Variants in ZFHX3 observed in about 807,000 individuals in gnomAD.
ZFHX3 encodes the protein zinc finger homeobox 3.
Under a neutral mutation model 279.1 loss-of-function variants are expected in ZFHX3, and 42 were observed. That is an observed-to-expected ratio of 0.15 (90% CI 0.12 to 0.19). The LOEUF (loss-of-function observed/expected upper bound fraction) is 0.19. Ranked by LOEUF, ZFHX3 falls within the 10% of genes least tolerant of loss-of-function variation. The probability of loss-of-function intolerance (pLI) is 1.00; values close to 1 mark genes in which losing one functional copy is unlikely to be tolerated. For synonymous variants in ZFHX3, 2,293 were observed against 1,957.8 expected (o/e 1.17, Z -4.52); for missense variants, 4,981 against 4,754.0 (o/e 1.05, Z -1.40).
chr16:72,967,891 G>A (rs1303798452), intron 1 of ZFHX3, among the ~76,000 whole-genome samples: 5 of 147,670 alleles, frequency 3.4e-5, no homozygotes, highest in Non-Finnish European at 7.4e-5. Context: ...TCGTGCCACT[G>A]CACTCTATCC....
rs368568803 is a variant in ZFHX3 at position 72,793,468 on chromosome 16, C to T, written c.9214G>A (p.Val3072Ile). Residue 3072 changes from valine (V) to isoleucine (I), a missense_variant, in exon 9 of 10, where the codon GTA becomes ATA. By Grantham distance (29) the Val-to-Ile change is conservative. Transcript: ENST00000268489. The surrounding 1 kb of genome is among the most constrained non-coding windows in gnomAD (Gnocchi z 4.3). ...KEKEYFDPATVRQLMAQQELD... is the reference protein window; with the variant it reads ...KEKEYFDPATIRQLMAQQELD... ...TCTTGTTGAGCCATCAACTGACGTA[C>T]GGTGGCTGGGTCAAAGTATTCTTTC... The T allele has an allele frequency of 6.8e-6, 11 of 1,614,060 alleles. No homozygotes were observed. Among genetic ancestry groups the T allele is most frequent in the East Asian group, 2.2e-5 (1 of 44,900 alleles).
chr16:73,377,187 G>T (rs2143356061), intron 3 of ZFHX3, among the ~76,000 whole-genome samples: 1 of 152,178 alleles, frequency 6.6e-6, no homozygotes, highest in East Asian at 1.9e-4. Context: ...GGCCAGGCTG[G>T]TCTTGAACTC....
At chr16:73,389,679 C>T (rs1238029017) in intron 3 of ZFHX3, among the ~76,000 whole-genome samples, 4 of 152,178 alleles carry the variant, frequency 2.6e-5, no homozygotes, top group South Asian at 2.1e-4. Flanking sequence ...CTTTTTTATC[C>T]GCAGTGAAAA....
intron 3 of ZFHX3, among the ~76,000 whole-genome samples, chr16:72,944,500 T>C (rs537709494): frequency 1.3e-5 from 2 of 152,328 alleles, no homozygotes; most frequent in East Asian, 1.9e-4. Context: ...TTAAAAATCA[T>C]TGGAAAATAC....
chr16:72,832,377 G>C (rs984950573), intron 4 of ZFHX3, among the ~76,000 whole-genome samples: 3 of 152,028 alleles, frequency 2.0e-5, no homozygotes, highest in Non-Finnish European at 2.9e-5. Context: ...AGCCCACTTG[G>C]GCTTTTGCTT....
chr16:73,851,435 A>G (rs943004150), intron 1 of ZFHX3, among the ~76,000 whole-genome samples: 4 of 152,208 alleles, frequency 2.6e-5, no homozygotes, highest in Admixed American at 6.5e-5. Flanking sequence ...TTGAAGTCAA[A>G]TTTTACTCTG....
intron 1 of ZFHX3, among the ~76,000 whole-genome samples, chr16:73,688,816 T>A (rs9941061): frequency 0.092 from 13,946 of 152,174 alleles, 734 homozygotes; most frequent in Non-Finnish European, 0.12. Context: ...CATGCTATTC[T>A]CATGACAGTG....
chr16:73,245,616 C>T (rs2144948764), intron 5 of ZFHX3, among the ~76,000 whole-genome samples: 1 of 152,288 alleles, frequency 6.6e-6, no homozygotes, highest in South Asian at 2.1e-4. Context: ...GATGTTGTTC[C>T]AAAGACGTAG....
rs899989493 is a variant in ZFHX3 at position 73,013,091 on chromosome 16, G to A, written c.-50+34661C>T. ...AGGTACAGACCTACCAATCACGGGA[G>A]TGAAGGTACCCAGGCCAAGGGGCTG... On this transcript the variant is annotated intron_variant, in intron 1 of 9. Coordinates refer to ENST00000268489, the MANE Select transcript of ZFHX3 (RefSeq NM_006885.4). Among the ~76,000 whole-genome samples, 10 of 152,176 alleles carry A rather than the reference G, an allele frequency of 6.6e-5. No homozygotes were observed. The East Asian group carries it at 1.9e-3, about 29-fold the overall frequency.
At chr16:73,540,824 A>G (rs982516054) in intron 2 of ZFHX3, among the ~76,000 whole-genome samples, 1 of 152,170 alleles carries the variant, frequency 6.6e-6, no homozygotes, top group African/African-American at 2.4e-5. Flanking sequence ...CAACCTGCTC[A>G]CTGTCAGAGG....
intron 1 of ZFHX3, among the ~76,000 whole-genome samples, chr16:73,872,117 C>T (rs1307628386): frequency 1.3e-5 from 2 of 152,180 alleles, no homozygotes; most frequent in Non-Finnish European, 2.9e-5. Context: ...CCAATAATCT[C>T]GAAAGCCAAT....
At chr16:72,943,483 G>A (rs945057424) in intron 3 of ZFHX3, among the ~76,000 whole-genome samples, 2 of 152,244 alleles carry the variant, frequency 1.3e-5, no homozygotes, top group Middle Eastern at 6.8e-3. Flanking sequence ...AATGAGCTGA[G>A]ATCACGCCAC....
chr16:73,734,976 T>A (rs1332344960), intron 1 of ZFHX3, among the ~76,000 whole-genome samples: 3 of 152,226 alleles, frequency 2.0e-5, no homozygotes, highest in Non-Finnish European at 4.4e-5. Flanking sequence ...TAATTTTTAG[T>A]AGAACCATTT....
At chr16:73,273,636 G>A (rs1288046118) in intron 4 of ZFHX3, among the ~76,000 whole-genome samples, 1 of 152,044 alleles carries the variant, frequency 6.6e-6, no homozygotes, top group Non-Finnish European at 1.5e-5. Context: ...AGTTTTTTAA[G>A]ATCTAGCCCC....
chr16:73,866,210 C>T (rs1374464463), intron 1 of ZFHX3, among the ~76,000 whole-genome samples: 2 of 117,742 alleles, frequency 1.7e-5, no homozygotes, highest in Admixed American at 1.1e-4. Flanking sequence ...GACAGAGTAT[C>T]ACCCTGTCAC....
intron 1 of ZFHX3, among the ~76,000 whole-genome samples, chr16:73,820,261 TTA>T (rs1226975746): frequency 2.0e-5 from 3 of 152,028 alleles, no homozygotes; most frequent in African/African-American, 7.2e-5. Context: ...GGCTAATTTT[TTA>T]TGTTTTTTAG....
chr16:73,786,281 C>A (rs8052399), intron 1 of ZFHX3, among the ~76,000 whole-genome samples: 2,353 of 152,182 alleles, frequency 0.015, 49 homozygotes, highest in African/African-American at 0.053. Flanking sequence ...CTACTTTCTG[C>A]ACTGCTTCTG....
chr16:73,495,072 T>C (rs1310317010), intron 2 of ZFHX3, among the ~76,000 whole-genome samples: 2 of 152,214 alleles, frequency 1.3e-5, no homozygotes, highest in African/African-American at 4.8e-5. Flanking sequence ...TGTCTGCATA[T>C]TGGCTGTATC....
intron 1 of ZFHX3, among the ~76,000 whole-genome samples, chr16:73,888,776 T>C (rs984332293): frequency 3.9e-5 from 6 of 152,032 alleles, no homozygotes; most frequent in African/African-American, 1.5e-4. Context: ...GGGGGCTAAG[T>C]GTAAGCAGAA....
Sources: allele counts gnomAD v4.1 joint callset (sites outside exome capture counted in the v4.1 genomes callset), GRCh38; gene constraint gnomAD v4.1.1; non-coding constraint Gnocchi (gnomAD v3.1); transcripts MANE v1.5; gene names NCBI Gene and HGNC (gene_info 2026-07-23, HGNC 2026-07-21).